Variants in HMGCLL1 observed in about 807,000 individuals in gnomAD.
HMGCLL1 encodes the protein 3-hydroxymethyl-3-methylglutaryl-CoA lyase, cytoplasmic.
In HMGCLL1, 36 loss-of-function variants were observed where a neutral mutation model predicts 39.1. The ratio of observed to expected loss-of-function variants is 0.92; its 90% CI spans 0.71 to 1.22. HMGCLL1 has a LOEUF of 1.22. Among genes scored for constraint, HMGCLL1 ranks in the 50% most tolerant of loss-of-function variants. The probability of loss-of-function intolerance (pLI) is 0.00; values close to 1 mark genes in which losing one functional copy is unlikely to be tolerated. For synonymous variants in HMGCLL1, 149 were observed against 144.0 expected (o/e 1.03, Z -0.25); for missense variants, 451 against 416.5 (o/e 1.08, Z -0.72).
At chr6:55,652,993 A>G in the HMGCLL1 span, among the ~76,000 whole-genome samples, 1 of 152,180 alleles carries the variant, frequency 6.6e-6, no homozygotes, top group Admixed American at 6.6e-5. Context: ...TAGTTGCTTT[A>G]AATAATTATG....
chr6:55,496,040 G>A (rs940090138), intron 6 of HMGCLL1, among the ~76,000 whole-genome samples: 3 of 152,030 alleles, frequency 2.0e-5, no homozygotes, highest in Admixed American at 2.0e-4. Flanking sequence ...CCTTAAAAAT[G>A]TGAAATTTAC....
At chr6:55,629,878 A>T in the HMGCLL1 span, among the ~76,000 whole-genome samples, 2 of 152,146 alleles carry the variant, frequency 1.3e-5, no homozygotes, top group Non-Finnish European at 2.9e-5. Flanking sequence ...TAGTTTTCAG[A>T]GGATGTATGG....
chr6:55,574,446 T>C (rs939710133), intron 1 of HMGCLL1, among the ~76,000 whole-genome samples: 13 of 151,816 alleles, frequency 8.6e-5, no homozygotes, highest in Non-Finnish European at 1.8e-4. Flanking sequence ...TAAGTTGTAA[T>C]AGTACTAATA....
chr6:55,623,390 A>C, the HMGCLL1 span, among the ~76,000 whole-genome samples: 1 of 151,782 alleles, frequency 6.6e-6, no homozygotes, highest in Non-Finnish European at 1.5e-5. Flanking sequence ...TATTGCTCTA[A>C]ACTCTCCTCT....
the HMGCLL1 span, among the ~76,000 whole-genome samples, chr6:55,667,975 C>T: frequency 4.6e-5 from 7 of 151,358 alleles, no homozygotes; most frequent in Admixed American, 1.3e-4. Context: ...TTTTGAATGC[C>T]CTGACTATGC....
At chr6:55,496,942 A>G (rs1218905096) in intron 6 of HMGCLL1, among the ~76,000 whole-genome samples, 1 of 152,096 alleles carries the variant, frequency 6.6e-6, no homozygotes, top group South Asian at 2.1e-4. Context: ...CTAACCTCCA[A>G]ATTGTTCATG....
the HMGCLL1 span, among the ~76,000 whole-genome samples, chr6:55,668,557 G>A: frequency 6.6e-6 from 1 of 151,774 alleles, no homozygotes; most frequent in African/African-American, 2.4e-5. Flanking sequence ...AGTCTGAAAA[G>A]GAAATAGCAA....
At chr6:55,477,304 TTATA>T (rs1317211941) in intron 7 of HMGCLL1, among the ~76,000 whole-genome samples, 8 of 12,546 alleles carry the variant, frequency 6.4e-4, no homozygotes, top group African/African-American at 3.8e-3. Context: ...ATAATATATA[TTATA>T]TATATAATAT....
intron 7 of HMGCLL1, among the ~76,000 whole-genome samples, chr6:55,476,372 A>AGT (rs1157740388): frequency 6.6e-6 from 1 of 151,650 alleles, no homozygotes; most frequent in East Asian, 1.9e-4. Context: ...ATTTGTTACT[A>AGT]GTATATATAA....
chr6:55,562,086 C>G (rs1055041088), intron 1 of HMGCLL1, among the ~76,000 whole-genome samples: 5 of 151,782 alleles, frequency 3.3e-5, no homozygotes, highest in African/African-American at 1.2e-4. Context: ...TGAACTAAGC[C>G]TCTAATGTAG....
the HMGCLL1 span, among the ~76,000 whole-genome samples, chr6:55,655,191 T>G: frequency 2.6e-5 from 4 of 151,996 alleles, no homozygotes; most frequent in African/African-American, 4.8e-5. Flanking sequence ...ATCACATCTC[T>G]GATCTTTCTA....
chr6:55,677,608 T>C, the HMGCLL1 span, among the ~76,000 whole-genome samples: 1 of 152,240 alleles, frequency 6.6e-6, no homozygotes, highest in Admixed American at 6.5e-5. Flanking sequence ...TCAGTTACAG[T>C]CTGTGTGTCT....
chr6:55,497,496 G>T (rs1278026607), intron 6 of HMGCLL1, among the ~76,000 whole-genome samples: 1 of 152,072 alleles, frequency 6.6e-6, no homozygotes, highest in Non-Finnish European at 1.5e-5. Flanking sequence ...TAGGTCCCAG[G>T]ATATAATGGG....
chr6:55,515,137 C>T (rs1767668641), intron 4 of HMGCLL1, among the ~76,000 whole-genome samples: 1 of 151,872 alleles, frequency 6.6e-6, no homozygotes, highest in Non-Finnish European at 1.5e-5. Context: ...TCTGTAGTCC[C>T]AGCTACTTGG....
the HMGCLL1 span, among the ~76,000 whole-genome samples, chr6:55,608,259 C>T: frequency 4.1e-4 from 62 of 152,284 alleles, no homozygotes; most frequent in South Asian, 0.011. Flanking sequence ...GACACTGTTA[C>T]TTATACAGTT....
intron 3 of HMGCLL1, among the ~76,000 whole-genome samples, chr6:55,533,979 T>G (rs1461183195): frequency 6.6e-6 from 1 of 151,786 alleles, no homozygotes; most frequent in African/African-American, 2.4e-5. Flanking sequence ...AAAAACAGCT[T>G]CAGAAATACA....
the HMGCLL1 span, among the ~76,000 whole-genome samples, chr6:55,626,714 C>T: frequency 9.2e-5 from 14 of 152,112 alleles, no homozygotes; most frequent in African/African-American, 2.4e-4. Flanking sequence ...GAGACAGGAA[C>T]ATTGCCATGA....
At chr6:55,583,359 C>A (rs1263503092), upstream of HMGCLL1, among the ~76,000 whole-genome samples, 4 of 151,620 alleles carry the variant, frequency 2.6e-5, no homozygotes, top group African/African-American at 9.7e-5. Context: ...CCCCACCCCA[C>A]AACAGTCCCC....
intron 7 of HMGCLL1, among the ~76,000 whole-genome samples, chr6:55,487,714 A>AGAT (rs1766107327): frequency 2.0e-5 from 3 of 152,064 alleles, no homozygotes; most frequent in African/African-American, 7.2e-5. Context: ...TACAGTACCC[A>AGAT]GGATAACAGT....
Sources: gnomAD v4.1 joint callset for allele counts (sites outside exome capture counted in the v4.1 genomes callset) on GRCh38, gnomAD v4.1.1 for gene constraint, MANE v1.5 for transcripts, NCBI Gene and HGNC (gene_info 2026-07-23, HGNC 2026-07-21) for gene names.